Variants in FYCO1 observed in about 807,000 individuals in gnomAD.
FYCO1 encodes FYVE and coiled-coil domain-containing protein 1.
FYCO1 carries 122 observed loss-of-function variants against 165.1 expected under a neutral mutation model. The ratio of observed to expected loss-of-function variants is 0.74; its 90% CI spans 0.64 to 0.86. FYCO1 has a LOEUF of 0.86. Ranked by LOEUF, FYCO1 falls within the 40% of genes least tolerant of loss-of-function variation. The probability of loss-of-function intolerance (pLI) is 0.00; values close to 1 mark genes in which losing one functional copy is unlikely to be tolerated. For missense variants in FYCO1, 1,702 were observed against 1,810.3 expected (o/e 0.94, Z 1.09); for synonymous variants, 648 against 742.5 (o/e 0.87, Z 2.07).
chr3:45,949,157 C>G (rs1704833458), intron 14 of FYCO1, among the ~76,000 whole-genome samples: 1 of 152,180 alleles, frequency 6.6e-6, no homozygotes, highest in Admixed American at 6.5e-5. Flanking sequence ...CCACATGATC[C>G]TACCTACTGT....
At chr3:45,935,757 G>A (rs1703856222) in intron 15 of FYCO1, among the ~76,000 whole-genome samples, 1 of 152,158 alleles carries the variant, frequency 6.6e-6, no homozygotes, top group Non-Finnish European at 1.5e-5. Flanking sequence ...GTCAACCCCT[G>A]CTGGAATATA....
chr3:45,973,287 A>G (rs1284029909), intron 5 of FYCO1, 56 bp from the exon 6 acceptor site: 1 of 1,565,984 alleles, frequency 6.4e-7, no homozygotes, highest in African/African-American at 1.4e-5. Flanking sequence ...GAATTTACTC[A>G]GTCCTCCCAC....
intron 11 of FYCO1, among the ~76,000 whole-genome samples, chr3:45,961,500 T>G (rs893366433): frequency 6.6e-6 from 1 of 151,234 alleles, no homozygotes; most frequent in Non-Finnish European, 1.5e-5. Flanking sequence ...ATCGCTTGAA[T>G]GCAGGAGGAA....
chr3:45,968,810 C>T (rs2125853806), intron 7 of FYCO1, 107 bp from the exon 8 acceptor site: 1 of 1,310,474 alleles, frequency 7.6e-7, no homozygotes, highest in Non-Finnish European at 1.1e-6. Context: ...CAGGCATTAC[C>T]TGCCCTAAGG....
At position 45,935,855 on chromosome 3, in the gene FYCO1, T is replaced by C. The variant is rs1054966548; in HGVS notation, c.4040+593A>G. Among the ~76,000 whole-genome samples, 10 of 152,342 alleles carry C rather than the reference T, an allele frequency of 6.6e-5. 1 individual carries two copies. In the East Asian group the frequency reaches 1.5e-3, roughly 23 times the overall value. On this transcript the variant is annotated intron_variant, in intron 15 of 17. Transcript: ENST00000296137. ...TAAAATAGTACCTGGCACATTGTGA[T>C]AATTAATAAATATCTGTGAATGAGT...
intron 1 of FYCO1, among the ~76,000 whole-genome samples, chr3:45,989,341 C>G (rs934216079): frequency 6.6e-6 from 1 of 152,228 alleles, no homozygotes; most frequent in Admixed American, 6.5e-5. Context: ...CCAACGGCAA[C>G]TATCTAGTTA....
At chr3:45,932,738 A>T (rs1703693658) in intron 15 of FYCO1, among the ~76,000 whole-genome samples, 1 of 152,224 alleles carries the variant, frequency 6.6e-6, no homozygotes, top group Non-Finnish European at 1.5e-5. Flanking sequence ...TGCTTTAAAG[A>T]ACAGCTCCAA....
chr3:45,959,680 C>T, intron 11 of FYCO1, 138 bp from the exon 12 acceptor site: 1 of 904,204 alleles, frequency 1.1e-6, no homozygotes. Flanking sequence ...GAAATATGCC[C>T]CAGCCCATGC....
rs190513283 is a variant in FYCO1, at chr3:45,952,706, G to T, written c.3944+2543C>A. On this transcript the variant is annotated intron_variant, in intron 14 of 17. Transcript: ENST00000296137. ...GTTCCTACTGGGCAGGGGAAGGTGA[G>T]GGGTAAGGAGAGAGAGAGCTGTAGG... Among the ~76,000 whole-genome samples, 18 of 150,216 alleles carry T rather than the reference G, an allele frequency of 1.2e-4. No individual in the cohort carries two copies. The East Asian group carries it at 3.5e-3, about 29-fold the overall frequency.
intron 15 of FYCO1, among the ~76,000 whole-genome samples, chr3:45,931,745 C>G (rs1275433908): frequency 6.6e-6 from 1 of 152,222 alleles, no homozygotes; most frequent in Non-Finnish European, 1.5e-5. Context: ...GTACAAGCCT[C>G]CCAGCCTTCT....
chr3:45,947,668 A>G, intron 14 of FYCO1: 2 of 644,488 alleles, frequency 3.1e-6, no homozygotes, highest in Non-Finnish European at 2.8e-6. Flanking sequence ...AGGCATGAAC[A>G]TGTACTGTTC....
chr3:45,969,581 G>A (rs1043125672), intron 7 of FYCO1, 94 bp downstream of exon 7: 24 of 929,836 alleles, frequency 2.6e-5, no homozygotes, highest in Middle Eastern at 2.1e-4. Context: ...CTGGAACAAC[G>A]GGCATCTGAG....
In FYCO1 at chr3:45,923,638, T is replaced by G. The variant is rs772924877; in HGVS notation, c.4361+18A>C. On this transcript the variant is annotated intron_variant, in intron 17 of 17. Coordinates refer to ENST00000296137, the MANE Select transcript of FYCO1 (RefSeq NM_024513.4). ...GAGAGGCCTGGAGACGTGGAGCTGG[T>G]GCCTGAGGTGGCCCTACCTTGAGAA... 6.6e-7 allele frequency: 1 copy of G among 1,523,592 alleles called. No individual in the cohort carries two copies. The allele number at this position is 1,523,592 out of a possible 1,614,324, so 94.4% of individuals were successfully genotyped here.
intron 14 of FYCO1, chr3:45,947,705 C>T: frequency 1.7e-6 from 1 of 576,246 alleles, no homozygotes; most frequent in Non-Finnish European, 3.1e-6. Context: ...TGCTGAAAGC[C>T]CAAGTAGGGG....
rs559300870 is a variant in FYCO1 at position 45,973,373 on chromosome 3, C to T, written c.396-142G>A. ...CAGGCACACAAACCAATTTCATTTT[C>T]ATGGTAGAAGAACATAACTCTCAAA... On this transcript the variant is annotated intron_variant, in intron 5 of 17. Coordinates refer to ENST00000296137, the MANE Select transcript of FYCO1 (RefSeq NM_024513.4). 1.8e-5 allele frequency: 14 copies of T among 782,682 alleles called. No homozygotes were observed. In the East Asian group the frequency reaches 3.7e-4, roughly 21 times the overall value. The allele number at this position is 782,682 out of a possible 1,614,324, so 48.5% of individuals were successfully genotyped here.
intron 11 of FYCO1, among the ~76,000 whole-genome samples, chr3:45,961,308 G>A (rs1705685804): frequency 6.6e-6 from 1 of 152,186 alleles, no homozygotes; most frequent in Non-Finnish European, 1.5e-5. Context: ...CACCAGGCAT[G>A]GTGGCTCATG....
intron 13 of FYCO1, among the ~76,000 whole-genome samples, chr3:45,957,563 C>T (rs1705414808): frequency 6.6e-6 from 1 of 152,198 alleles, no homozygotes; most frequent in Non-Finnish European, 1.5e-5. Flanking sequence ...ACATTCAATA[C>T]TTAAAAAACA....
At chr3:45,929,606 AC>A (rs1269982238) in intron 16 of FYCO1, among the ~76,000 whole-genome samples, 1 of 152,098 alleles carries the variant, frequency 6.6e-6, no homozygotes, top group African/African-American at 2.4e-5. Flanking sequence ...TGTTGGCCGC[AC>A]CAGGACCTCC....
chr3:45,942,350 G>A (rs1190651541), intron 14 of FYCO1, among the ~76,000 whole-genome samples: 1 of 152,230 alleles, frequency 6.6e-6, no homozygotes, highest in Non-Finnish European at 1.5e-5. Flanking sequence ...ATAGGGCCAG[G>A]CTTGCGGTAG....
Sources: allele counts gnomAD v4.1 joint callset (sites outside exome capture counted in the v4.1 genomes callset), GRCh38; gene constraint gnomAD v4.1.1; transcripts MANE v1.5; gene names NCBI Gene and HGNC (gene_info 2026-07-23, HGNC 2026-07-21).